The following IFTAP variants were observed in gnomAD, a reference collection of about 807,000 sequenced individuals.
IFTAP encodes intraflagellar transport-associated protein.
In IFTAP, 19 loss-of-function variants were observed where a neutral mutation model predicts 19.4. The ratio of observed to expected loss-of-function variants is 0.98; its 90% CI spans 0.68 to 1.44. IFTAP has a LOEUF of 1.44. IFTAP is among the 40% of genes most tolerant of loss of function. The pLI, the probability that IFTAP is intolerant of heterozygous loss-of-function variation, is 0.00. For synonymous variants in IFTAP, 85 were observed against 83.5 expected (o/e 1.02, Z -0.10); for missense variants, 240 against 253.6 (o/e 0.95, Z 0.36).
chr11:36,654,268 C>A (rs1341014913), intron 5 of IFTAP, among the ~76,000 whole-genome samples: 2 of 152,146 alleles, frequency 1.3e-5, no homozygotes, highest in Non-Finnish European at 1.5e-5. Flanking sequence ...CATTGACCTT[C>A]CTCTGGCACT....
intron 1 of IFTAP, among the ~76,000 whole-genome samples, chr11:36,607,063 C>T (rs1431557071): frequency 6.6e-6 from 1 of 152,040 alleles, no homozygotes; most frequent in Non-Finnish European, 1.5e-5. Flanking sequence ...AAGTTGATAC[C>T]CAGCTACACT....
At chr11:36,624,359 G>C (rs764251490) in intron 2 of IFTAP, among the ~76,000 whole-genome samples, 1 of 152,138 alleles carries the variant, frequency 6.6e-6, no homozygotes, top group African/African-American at 2.4e-5. Flanking sequence ...GACTAAGTTT[G>C]TGTCAATGAG....
chr11:36,594,649 T>G (rs1851129467), intron 1 of IFTAP, 57 bp downstream of exon 1: 2 of 165,738 alleles, frequency 1.2e-5, no homozygotes, highest in Non-Finnish European at 2.6e-5. Context: ...GAGGTGAGAG[T>G]GGCTGACACC....
At chr11:36,625,306 A>G (rs1441344249) in intron 2 of IFTAP, among the ~76,000 whole-genome samples, 1 of 152,172 alleles carries the variant, frequency 6.6e-6, no homozygotes, top group African/African-American at 2.4e-5. Flanking sequence ...TAAAGGCTCA[A>G]CCTAATATTT....
At chr11:36,638,312 TA>T (rs2133473109) in intron 4 of IFTAP, among the ~76,000 whole-genome samples, 1 of 152,370 alleles carries the variant, frequency 6.6e-6, no homozygotes, top group African/African-American at 2.4e-5. Context: ...AAAATATTGA[TA>T]AAAACATCTT....
Position 36,610,237 on chromosome 11 carries a change from A to C in IFTAP, c.134A>C (p.Gln45Pro). The change falls in exon 2 of 6, where the codon CAA becomes CCA. Residue 45 changes from glutamine to proline, a missense_variant and splice_region_variant. By Grantham distance (76) the Gln-to-Pro change is moderately conservative (BLOSUM62 -1). Coordinates refer to ENST00000334307, the MANE Select transcript of IFTAP (RefSeq NM_138787.4). ...EFLNTFTHLS[Q>P]EDHVSKRGVF... ...CTGAACACTTTTACTCATCTTTCACAAGGTAAAATGGAGAAGTAAACTTTC... is the reference window on the plus strand; with the variant it reads ...CTGAACACTTTTACTCATCTTTCACCAGGTAAAATGGAGAAGTAAACTTTC... 1 of 1,604,042 alleles carries C rather than the reference A, an allele frequency of 6.2e-7. No individual in the cohort carries two copies. The highest frequency in any genetic ancestry group is 8.5e-7 in the Non-Finnish European group (1 of 1,173,316).
chr11:36,627,608 T>C (rs1272445811), intron 2 of IFTAP, among the ~76,000 whole-genome samples: 1 of 151,364 alleles, frequency 6.6e-6, no homozygotes, highest in Non-Finnish European at 1.5e-5. Context: ...TGTGTTGATA[T>C]TGTCACCAGC....
At chr11:36,628,062 C>T (rs1365467002) in intron 2 of IFTAP, among the ~76,000 whole-genome samples, 7 of 149,066 alleles carry the variant, frequency 4.7e-5, no homozygotes, top group Admixed American at 4.7e-4. Context: ...GCTCCCTTTA[C>T]TTCTCACCTG....
intron 5 of IFTAP, among the ~76,000 whole-genome samples, chr11:36,656,327 T>C (rs1236398110): frequency 1.3e-5 from 2 of 152,158 alleles, no homozygotes; most frequent in African/African-American, 4.8e-5. Flanking sequence ...CCCAGCACTC[T>C]GGGAGGCTGC....
intron 2 of IFTAP, among the ~76,000 whole-genome samples, chr11:36,622,101 T>TTTTTTTTTTTA (rs1852317984): frequency 6.6e-6 from 1 of 151,182 alleles, no homozygotes; most frequent in African/African-American, 2.4e-5. Context: ...TTTTTTTTTT[T>TTTTTTTTTTTA]GTGAAGGCTC....
rs1289774663 is a variant in IFTAP at position 36,595,899 on chromosome 11, T to C, written c.-24+1307T>C. On this transcript the variant is annotated intron_variant, in intron 1 of 5. Transcript: ENST00000334307. The stretch of plus-strand genomic sequence containing the variant: ...GTCAGTGGGTATAGACAGATAAACA[T>C]TTGAACTAAAAGAATTGGATAAACA... Among the ~76,000 whole-genome samples, 3 of 152,216 alleles carry C rather than the reference T, an allele frequency of 2.0e-5. 1 individual carries two copies. The highest frequency in any genetic ancestry group is 7.2e-5 in the African/African-American group (3 of 41,458).
rs539737199 is a variant in IFTAP, at chr11:36,642,104, C to T, written c.359-5912C>T. Among the ~76,000 whole-genome samples the T allele has an allele frequency of 3.8e-4, 58 of 151,840 alleles. No homozygotes were observed. The South Asian group carries it at 4.0e-3, about 10-fold the overall frequency. ...AGAGACTAGGATAAAATTGATAGAC[C>T]GCTAGCAAGACTAATAAAGAAGAAA... On this transcript the variant is annotated intron_variant, in intron 4 of 5. Coordinates refer to ENST00000334307, the MANE Select transcript of IFTAP (RefSeq NM_138787.4).
At chr11:36,612,688 T>C (rs936622247) in intron 2 of IFTAP, among the ~76,000 whole-genome samples, 5 of 152,140 alleles carry the variant, frequency 3.3e-5, no homozygotes, top group Non-Finnish European at 5.9e-5. Flanking sequence ...GTAAGTTTAG[T>C]TTCTCAAGTC....
chr11:36,625,565 G>GGCTAAA (rs1852479083), intron 2 of IFTAP, among the ~76,000 whole-genome samples: 2 of 152,092 alleles, frequency 1.3e-5, no homozygotes, highest in Non-Finnish European at 2.9e-5. Context: ...TGGGACATTT[G>GGCTAAA]AATTATTTCT....
intron 2 of IFTAP, among the ~76,000 whole-genome samples, chr11:36,622,348 G>T (rs991842503): frequency 2.0e-5 from 3 of 151,984 alleles, no homozygotes; most frequent in Non-Finnish European, 4.4e-5. Flanking sequence ...AGTTAAAGAG[G>T]TTGCCTTAAG....
chr11:36,615,773 T>C (rs1852058416), intron 2 of IFTAP, among the ~76,000 whole-genome samples: 1 of 150,110 alleles, frequency 6.7e-6, no homozygotes, highest in South Asian at 2.1e-4. Context: ...TTTTGTATCC[T>C]GAGACTTTGC....
At chr11:36,639,279 GAGATTCATACT>G in intron 4 of IFTAP, among the ~76,000 whole-genome samples, 1 of 149,448 alleles carries the variant, frequency 6.7e-6, no homozygotes, top group African/African-American at 2.5e-5. Flanking sequence ...ATCTACTTCT[GAGATTCATACT>G]GTCTTACACA....
intron 1 of IFTAP, among the ~76,000 whole-genome samples, chr11:36,608,128 G>C (rs1393044672): frequency 1.3e-5 from 2 of 152,134 alleles, no homozygotes; most frequent in African/African-American, 4.8e-5. Context: ...AAGCTGTAAA[G>C]AATAACATAT....
intron 4 of IFTAP, among the ~76,000 whole-genome samples, chr11:36,640,032 G>T (rs1420410870): frequency 6.6e-6 from 1 of 152,126 alleles, no homozygotes; most frequent in Non-Finnish European, 1.5e-5. Flanking sequence ...AGGCTACCCT[G>T]GTAGTTCTCC....
Sources: gnomAD v4.1 joint callset for allele counts (sites outside exome capture counted in the v4.1 genomes callset) on GRCh38, gnomAD v4.1.1 for gene constraint, MANE v1.5 for transcripts, NCBI Gene and HGNC (gene_info 2026-07-23, HGNC 2026-07-21) for gene names.